POU2F1: variants seen among roughly 807,000 people sequenced by gnomAD.
POU2F1 encodes the protein POU class 2 homeobox 1.
A neutral mutation model predicts 84.9 loss-of-function variants in POU2F1; 16 were observed. The observed-to-expected ratio is 0.19, with a 90% CI of 0.13 to 0.29. POU2F1 has a LOEUF of 0.29. Among genes scored for constraint, POU2F1 ranks in the 10% least tolerant of loss-of-function variants. The probability of loss-of-function intolerance (pLI) is 1.00; values close to 1 mark genes in which losing one functional copy is unlikely to be tolerated. For synonymous variants in POU2F1, 368 were observed against 368.3 expected (o/e 1.00, Z 0.01); for missense variants, 738 against 942.6 (o/e 0.78, Z 2.84).
intron 1 of POU2F1, among the ~76,000 whole-genome samples, chr1:167,263,912 C>G (rs1651756753): frequency 6.6e-6 from 1 of 152,162 alleles, no homozygotes; most frequent in South Asian, 2.1e-4. Context: ...TCATATGTGG[C>G]AGAGCTGGGA....
intron 2 of POU2F1, among the ~76,000 whole-genome samples, chr1:167,356,860 T>G (rs1245279888): frequency 6.6e-6 from 1 of 152,200 alleles, no homozygotes; most frequent in Non-Finnish European, 1.5e-5. Context: ...ACATGTGTAG[T>G]GCCCTCCTTA....
At chr1:167,353,399 C>T (rs932746191) in intron 2 of POU2F1, among the ~76,000 whole-genome samples, 3 of 151,530 alleles carry the variant, frequency 2.0e-5, no homozygotes. Context: ...TTACCCCCAC[C>T]GCCTCCATTA....
chr1:167,354,688 A>G (rs1222125861), intron 2 of POU2F1, among the ~76,000 whole-genome samples: 2 of 152,204 alleles, frequency 1.3e-5, no homozygotes, highest in Non-Finnish European at 2.9e-5. Context: ...TACTAATAGC[A>G]ACTGGGATTA....
At chr1:167,317,680 T>G (rs968120391) in intron 1 of POU2F1, among the ~76,000 whole-genome samples, 4 of 152,224 alleles carry the variant, frequency 2.6e-5, no homozygotes, top group African/African-American at 9.6e-5. Flanking sequence ...TTAAGCAGTT[T>G]TCCATCCTGG....
At chr1:167,272,383 A>G (rs1469637154) in intron 1 of POU2F1, among the ~76,000 whole-genome samples, 1 of 143,384 alleles carries the variant, frequency 7.0e-6, no homozygotes, top group Non-Finnish European at 1.5e-5. Context: ...CCCACACATT[A>G]GGATTTCAAA....
chr1:167,423,695 A>G lies in POU2F1; in HGVS notation c.*7885A>G, dbSNP rs1650781828. On this transcript the variant is annotated 3_prime_UTR_variant, in exon 16 of 16. Coordinates refer to ENST00000367866, the MANE Select transcript of POU2F1 (RefSeq NM_002697.4). The stretch of plus-strand genomic sequence containing the variant: ...ACACTGTCAAAAAGTTAAGACCCCA[A>G]AACTAATTTACTGTAAAAAACATTG... 1 of 152,234 alleles carries G rather than the reference A, an allele frequency of 6.6e-6. No homozygotes were observed. The highest frequency in any genetic ancestry group is 2.1e-4 in the South Asian group (1 of 4,834). The allele number at this position is 152,234 out of a possible 1,614,324, so 9.4% of individuals were successfully genotyped here. A position where few individuals can be genotyped will look rare whatever the true frequency, so the allele number is the denominator to read the frequency against.
At chr1:167,333,540 T>C (rs922863738) in intron 2 of POU2F1, among the ~76,000 whole-genome samples, 14 of 152,178 alleles carry the variant, frequency 9.2e-5, no homozygotes, top group African/African-American at 3.4e-4. Flanking sequence ...GTTGGACTAA[T>C]GTAGCAGTTT....
At chr1:167,342,874 C>T (rs978971794) in intron 2 of POU2F1, among the ~76,000 whole-genome samples, 1 of 152,116 alleles carries the variant, frequency 6.6e-6, no homozygotes, top group Non-Finnish European at 1.5e-5. Context: ...AGTAGAAATA[C>T]TAATTTTGTT....
At chr1:167,401,362 T>TGG in intron 12 of POU2F1, 89 bp from the exon 13 acceptor site, 2 of 854,646 alleles carry the variant, frequency 2.3e-6, no homozygotes, top group Non-Finnish European at 1.8e-6. Context: ...GGTGTCTCAA[T>TGG]TCCAAGATCA....
chr1:167,347,321 A>G (rs1414617078), intron 2 of POU2F1, among the ~76,000 whole-genome samples: 7 of 152,230 alleles, frequency 4.6e-5, no homozygotes, highest in Admixed American at 2.6e-4. Context: ...AATAGCCTTC[A>G]CAAACTCATG....
intron 1 of POU2F1, chr1:167,241,672 C>T (rs1203142286): frequency 6.6e-6 from 1 of 152,070 alleles, no homozygotes; most frequent in Non-Finnish European, 1.5e-5. Flanking sequence ...TATTAATTAA[C>T]ACCTATGAAG....
chr1:167,335,731 A>G (rs759975453), intron 2 of POU2F1, among the ~76,000 whole-genome samples: 1 of 152,204 alleles, frequency 6.6e-6, no homozygotes, highest in Non-Finnish European at 1.5e-5. Flanking sequence ...GTGTCTGGCT[A>G]GCCACTTTAT....
rs1399064156 is a variant in POU2F1 at position 167,425,203 on chromosome 1, T to C, written c.*9393T>C. ...TAGCCAGGTCATGATACTGCTGCTA[T>C]AAGCCAGGGGAGGGTGGTTTCTTTG... On this transcript the variant is annotated 3_prime_UTR_variant, in exon 16 of 16. Coordinates refer to ENST00000367866, the MANE Select transcript of POU2F1 (RefSeq NM_002697.4). The C allele has an allele frequency of 6.6e-6, 1 of 152,186 alleles. No homozygotes were observed. Among genetic ancestry groups the C allele is most frequent in the Non-Finnish European group, 1.5e-5 (1 of 68,036 alleles). 9.4% of individuals were successfully genotyped at this position (152,186 alleles called of 1,614,324 possible).
chr1:167,226,692 A>G (rs999369339), intron 1 of POU2F1, among the ~76,000 whole-genome samples: 5 of 152,216 alleles, frequency 3.3e-5, no homozygotes, highest in African/African-American at 9.6e-5. Flanking sequence ...TGCTCCTTGC[A>G]TACAGTGCAT....
intron 4 of POU2F1, 144 bp downstream of exon 4, chr1:167,370,358 G>T: frequency 1.4e-5 from 9 of 663,250 alleles, no homozygotes; most frequent in Non-Finnish European, 2.1e-5. Flanking sequence ...TTCAAATAAT[G>T]ATAATTATTA....
intron 2 of POU2F1, among the ~76,000 whole-genome samples, chr1:167,364,904 G>A (rs535493317): frequency 1.7e-3 from 264 of 152,222 alleles, no homozygotes; most frequent in African/African-American, 6.1e-3. Context: ...TTACAGCAGG[G>A]CCCTTGCTAA....
intron 1 of POU2F1, among the ~76,000 whole-genome samples, chr1:167,328,851 A>G (rs1358970458): frequency 6.6e-6 from 1 of 152,228 alleles, no homozygotes; most frequent in Non-Finnish European, 1.5e-5. Flanking sequence ...TGAATTGTTC[A>G]TGGACTTCAA....
intron 1 of POU2F1, among the ~76,000 whole-genome samples, chr1:167,300,688 C>T (rs1204601819): frequency 2.0e-5 from 3 of 152,182 alleles, no homozygotes; most frequent in Non-Finnish European, 4.4e-5. Flanking sequence ...TGGTCTCGAT[C>T]TCTTGACCTC....
intron 2 of POU2F1, among the ~76,000 whole-genome samples, chr1:167,355,632 G>A (rs1658885063): frequency 6.6e-6 from 1 of 152,110 alleles, no homozygotes; most frequent in South Asian, 2.1e-4. Flanking sequence ...ACAATATTGA[G>A]CTGGCATCTG....
Sources: allele counts gnomAD v4.1 joint callset (sites outside exome capture counted in the v4.1 genomes callset), GRCh38; gene constraint gnomAD v4.1.1; transcripts MANE v1.5; gene names NCBI Gene and HGNC (gene_info 2026-07-23, HGNC 2026-07-21).